PRELID2: variants seen among roughly 807,000 people sequenced by gnomAD.
PRELID2 encodes the protein PRELI domain-containing protein 2.
A neutral mutation model predicts 28.4 loss-of-function variants in PRELID2; 25 were observed. That is an observed-to-expected ratio of 0.88 (90% confidence interval 0.64 to 1.23). The LOEUF is 1.23. Ranked by LOEUF, PRELID2 falls within the 50% of genes most tolerant of loss-of-function variation. PRELID2 has a pLI of 0.00. For missense variants in PRELID2, 201 were observed against 214.4 expected, an observed-to-expected ratio of 0.94 and a Z score of 0.39; for synonymous variants, 76 against 71.6, an observed-to-expected ratio of 1.06 and a Z score of -0.31.
At chr5:145,360,790 T>C in the PRELID2 span, among the ~76,000 whole-genome samples, 10 of 152,220 alleles carry the variant, frequency 6.6e-5, no homozygotes, top group Admixed American at 3.9e-4. Flanking sequence ...CTTCTATTTC[T>C]AGTTCATAAT....
intron 5 of PRELID2, among the ~76,000 whole-genome samples, chr5:145,768,966 C>T (rs996303868): frequency 6.6e-5 from 10 of 152,014 alleles, no homozygotes; most frequent in African/African-American, 2.4e-4. Flanking sequence ...GGAAGCTAAG[C>T]CATGATTTAG....
the PRELID2 span, among the ~76,000 whole-genome samples, chr5:145,464,144 G>A: frequency 3.3e-5 from 5 of 152,156 alleles, no homozygotes; most frequent in East Asian, 1.9e-4. Flanking sequence ...CCTTCTGTAC[G>A]TCTTCTAAAA....
At chr5:145,463,347 T>TG in the PRELID2 span, among the ~76,000 whole-genome samples, 1 of 151,350 alleles carries the variant, frequency 6.6e-6, no homozygotes, top group Non-Finnish European at 1.5e-5. Flanking sequence ...TTGAAGTTTT[T>TG]TTTTTTTTTT....
intron 1 of PRELID2, among the ~76,000 whole-genome samples, chr5:145,573,633 G>A (rs747205104): frequency 2.6e-5 from 4 of 152,090 alleles, no homozygotes; most frequent in Non-Finnish European, 5.9e-5. Context: ...GCTTGCTGAG[G>A]ATGATGATTT....
At chr5:145,599,503 A>G (rs953422) in intron 1 of PRELID2, among the ~76,000 whole-genome samples, 29,322 of 152,062 alleles carry the variant, frequency 0.19, 5,004 homozygotes, top group African/African-American at 0.45. Context: ...GCCAATAGCC[A>G]TGATGACTAC....
intron 6 of PRELID2, among the ~76,000 whole-genome samples, chr5:145,764,724 G>C (rs1292510357): frequency 6.6e-6 from 1 of 152,156 alleles, no homozygotes; most frequent in African/African-American, 2.4e-5. Context: ...TTGTAACCCA[G>C]CATGTAATAC....
At chr5:145,677,626 T>C (rs1429223874) in intron 1 of PRELID2, among the ~76,000 whole-genome samples, 1 of 152,174 alleles carries the variant, frequency 6.6e-6, no homozygotes, top group Non-Finnish European at 1.5e-5. Flanking sequence ...GACATATTCA[T>C]CTAAACAGGC....
the PRELID2 span, among the ~76,000 whole-genome samples, chr5:145,345,328 C>T: frequency 6.9e-6 from 1 of 144,896 alleles, no homozygotes; most frequent in East Asian, 2.0e-4. Flanking sequence ...TTTCTGCTTG[C>T]TAGTCTACTG....
the PRELID2 span, among the ~76,000 whole-genome samples, chr5:145,234,450 G>A: frequency 6.6e-6 from 1 of 152,102 alleles, no homozygotes; most frequent in African/African-American, 2.4e-5. Flanking sequence ...TCAGTCATTA[G>A]TCTCTGCCCT....
chr5:145,403,310 G>A, the PRELID2 span, among the ~76,000 whole-genome samples: 2 of 152,164 alleles, frequency 1.3e-5, no homozygotes, highest in African/African-American at 2.4e-5. Flanking sequence ...GACTGAGGTG[G>A]GAAGATAGCT....
chr5:145,563,260 C>T (rs972258249), intron 1 of PRELID2, among the ~76,000 whole-genome samples: 6 of 152,202 alleles, frequency 3.9e-5, no homozygotes, highest in Admixed American at 3.3e-4. Context: ...TAGCCAGGAA[C>T]TGTGGGGAAC....
chr5:145,394,503 A>C, the PRELID2 span, among the ~76,000 whole-genome samples: 6 of 152,130 alleles, frequency 3.9e-5, no homozygotes, highest in Non-Finnish European at 8.8e-5. Flanking sequence ...TAATGGGTGC[A>C]GCACACCAAC....
chr5:145,469,367 A>C (rs1020883729), downstream of PRELID2, among the ~76,000 whole-genome samples: 3 of 152,118 alleles, frequency 2.0e-5, no homozygotes, highest in African/African-American at 7.2e-5. Context: ...AAAGTAAAAA[A>C]CAGAAGGGTC....
chr5:145,356,073 C>T, the PRELID2 span, among the ~76,000 whole-genome samples: 1 of 152,232 alleles, frequency 6.6e-6, no homozygotes, highest in East Asian at 1.9e-4. Context: ...ACAGAATATT[C>T]CTCAACAAAC....
At chr5:145,436,603 T>C in the PRELID2 span, among the ~76,000 whole-genome samples, 1 of 152,186 alleles carries the variant, frequency 6.6e-6, no homozygotes, top group African/African-American at 2.4e-5. Flanking sequence ...TTTTTGTTTT[T>C]GTTTTTGTTT....
intron 1 of PRELID2, among the ~76,000 whole-genome samples, chr5:145,499,648 A>G (rs1032770738): frequency 6.6e-6 from 1 of 152,172 alleles, no homozygotes; most frequent in Non-Finnish European, 1.5e-5. Context: ...GCCTGAGGGA[A>G]GCTGTGGTTA....
At chr5:145,745,613 G>C (rs1756969556) in intron 1 of PRELID2, among the ~76,000 whole-genome samples, 1 of 152,130 alleles carries the variant, frequency 6.6e-6, no homozygotes, top group African/African-American at 2.4e-5. Context: ...TGTAATCCCA[G>C]CACTTTGGGA....
At chr5:145,719,111 C>T (rs919010315) in intron 1 of PRELID2, among the ~76,000 whole-genome samples, 1 of 151,894 alleles carries the variant, frequency 6.6e-6, no homozygotes, top group African/African-American at 2.4e-5. Context: ...AATAAAACCA[C>T]AGGAGACACA....
chr5:145,478,411 G>T (rs563493656), intron 1 of PRELID2, among the ~76,000 whole-genome samples: 48 of 152,168 alleles, frequency 3.2e-4, no homozygotes, highest in African/African-American at 1.1e-3. Context: ...GCCGGGCATG[G>T]TGGTGCGCAC....
Sources: allele counts gnomAD v4.1 joint callset (sites outside exome capture counted in the v4.1 genomes callset), GRCh38; gene constraint gnomAD v4.1.1; transcripts MANE v1.5; gene names NCBI Gene and HGNC (gene_info 2026-07-23, HGNC 2026-07-21).